KCNK13: variants seen among roughly 807,000 people sequenced by gnomAD.
KCNK13 encodes the protein potassium channel subfamily K member 13.
Under a neutral mutation model 23.4 loss-of-function variants are expected in KCNK13, and 12 were observed. That is an observed-to-expected ratio of 0.51 (90% CI 0.33 to 0.83). The LOEUF is 0.83. KCNK13 is among the 40% of genes least tolerant of loss of function. The pLI, the probability that KCNK13 is intolerant of heterozygous loss-of-function variation, is 0.02. For synonymous variants in KCNK13, 231 were observed against 229.5 expected (o/e 1.01, Z -0.06); for missense variants, 463 against 556.3 (o/e 0.83, Z 1.69).
chr14:90,066,721 G>A (rs2140386361), intron 1 of KCNK13, among the ~76,000 whole-genome samples: 1 of 152,320 alleles, frequency 6.6e-6, no homozygotes, highest in Non-Finnish European at 1.5e-5. Flanking sequence ...TGACTTAAAA[G>A]TCAGAGCTTA....
chr14:90,126,442 TGTGACGTGAC>T (rs1292461928), intron 1 of KCNK13, among the ~76,000 whole-genome samples: 25 of 90,144 alleles, frequency 2.8e-4, no homozygotes, highest in African/African-American at 6.6e-4. Context: ...TGTGACGTGA[TGTGACGTGAC>T]GTGACGTGAC....
At chr14:90,097,803 T>C (rs1889429447) in intron 1 of KCNK13, among the ~76,000 whole-genome samples, 1 of 152,134 alleles carries the variant, frequency 6.6e-6, no homozygotes, top group Admixed American at 6.5e-5. Context: ...ACAATGGCAA[T>C]GAACCATTCC....
chr14:90,134,437 A>T (rs1324926686), intron 1 of KCNK13, among the ~76,000 whole-genome samples: 1 of 152,192 alleles, frequency 6.6e-6, no homozygotes, highest in Non-Finnish European at 1.5e-5. Context: ...GCCTTAGAAG[A>T]TTAGTCAGAA....
At chr14:90,086,049 C>T (rs775607353) in intron 1 of KCNK13, among the ~76,000 whole-genome samples, 11 of 151,134 alleles carry the variant, frequency 7.3e-5, no homozygotes, top group Non-Finnish European at 1.5e-4. Flanking sequence ...TATGGATATT[C>T]ATTAATTTAA....
intron 1 of KCNK13, among the ~76,000 whole-genome samples, chr14:90,141,804 G>T (rs958534324): frequency 1.4e-5 from 2 of 143,282 alleles, no homozygotes; most frequent in South Asian, 2.3e-4. Context: ...TGGGGGGGGG[G>T]ACGGAGCCTT....
chr14:90,138,061 A>G (rs1219597288), intron 1 of KCNK13, among the ~76,000 whole-genome samples: 2 of 152,212 alleles, frequency 1.3e-5, no homozygotes, highest in Non-Finnish European at 2.9e-5. Context: ...TACCCATAAC[A>G]GAGAAAAAAA....
At chr14:90,181,832 C>T (rs538013114) in intron 1 of KCNK13, among the ~76,000 whole-genome samples, 8 of 152,288 alleles carry the variant, frequency 5.3e-5, no homozygotes, top group Admixed American at 1.3e-4. Flanking sequence ...TGACTTCATC[C>T]GGCTTCTAGA....
intron 1 of KCNK13, among the ~76,000 whole-genome samples, chr14:90,126,398 G>A (rs1421405504): frequency 6.6e-6 from 1 of 151,978 alleles, no homozygotes; most frequent in Non-Finnish European, 1.5e-5. Flanking sequence ...TAGCCTCATC[G>A]GTGATAACTT....
At chr14:90,089,993 T>C (rs1482694040) in intron 1 of KCNK13, among the ~76,000 whole-genome samples, 1 of 152,248 alleles carries the variant, frequency 6.6e-6, no homozygotes, top group Non-Finnish European at 1.5e-5. Flanking sequence ...GGCGGGGCTC[T>C]CATGGAGAAC....
intron 1 of KCNK13, among the ~76,000 whole-genome samples, chr14:90,100,321 C>T (rs1243383759): frequency 6.6e-6 from 1 of 152,194 alleles, no homozygotes. Flanking sequence ...CTATTTATCA[C>T]TGGCCAAGTC....
intron 1 of KCNK13, among the ~76,000 whole-genome samples, chr14:90,138,213 A>AAT (rs1293232282): frequency 2.6e-5 from 4 of 152,164 alleles, no homozygotes; most frequent in Non-Finnish European, 4.4e-5. Context: ...TCATTGTAAA[A>AAT]ATATATATAT....
rs574183758 is a variant in KCNK13, at chr14:90,170,262, A to G, written c.335-13849A>G. On this transcript the variant is annotated intron_variant, in intron 1 of 1. Transcript: ENST00000282146. ...AGAGTCTCACTCTGTTGCCCAGGCC[A>G]GAGTGCGGTGGTGCAATCCCAGCTC... Among the ~76,000 whole-genome samples, 961 of 152,210 alleles carry G rather than the reference A, an allele frequency of 6.3e-3. 7 individuals carry two copies. Among genetic ancestry groups the G allele is most frequent in the African/African-American group, 0.022 (927 of 41,548 alleles).
intron 1 of KCNK13, among the ~76,000 whole-genome samples, chr14:90,100,520 G>A (rs1889462603): frequency 6.6e-6 from 1 of 152,166 alleles, no homozygotes; most frequent in Admixed American, 6.5e-5. Flanking sequence ...AAGGATGTTA[G>A]GGAGGCCGCA....
At position 90,184,218 on chromosome 14, in the gene KCNK13, C is replaced by T. The variant is rs1199088733; in HGVS notation, c.442C>T (p.Arg148Cys). 10 of 1,614,240 alleles carry T rather than the reference C, an allele frequency of 6.2e-6. No individual in the cohort carries two copies. Among genetic ancestry groups the T allele is most frequent in the South Asian group, 2.2e-5 (2 of 91,078 alleles). Residue 148 changes from arginine (R) to cysteine (C), a missense_variant, in exon 2 of 2, where the codon CGC becomes TGC. Arg to Cys is a radical substitution (Grantham distance 180). Around this residue, in one of 3 missense-constraint regions of KCNK13, gnomAD observed 144 missense variants for 224.0 expected, o/e 0.64. Coordinates refer to ENST00000282146, the MANE Select transcript of KCNK13 (RefSeq NM_022054.4). The surrounding 1 kb of genome is among the most constrained non-coding windows in gnomAD (Gnocchi z 5.6). Reference sequence around the variant, plus strand: ...CTTGTTCTTCAACCTCTTCCTGGAGCGCCTGATCACCATCATCGCCTACAT... The same window carrying T: ...CTTGTTCTTCAACCTCTTCCTGGAGTGCCTGATCACCATCATCGCCTACAT... ...TILFFNLFLE[R>C]LITIIAYIMK...
At chr14:90,068,379 G>C (rs1165496268) in intron 1 of KCNK13, among the ~76,000 whole-genome samples, 2 of 152,114 alleles carry the variant, frequency 1.3e-5, no homozygotes, top group Non-Finnish European at 2.9e-5. Context: ...TGGATTGCTT[G>C]AGGCCAGGAG....
At chr14:90,064,273 G>A (rs1410092401) in intron 1 of KCNK13, among the ~76,000 whole-genome samples, 1 of 152,088 alleles carries the variant, frequency 6.6e-6, no homozygotes, top group African/African-American at 2.4e-5. Flanking sequence ...AACTTAGGGT[G>A]GTTTTGATGG....
chr14:90,083,800 C>T (rs1889240711), intron 1 of KCNK13, among the ~76,000 whole-genome samples: 1 of 152,202 alleles, frequency 6.6e-6, no homozygotes, highest in African/African-American at 2.4e-5. Context: ...TGTTATAACA[C>T]CACAGAATGG....
chr14:90,064,026 G>T (rs1201502852), intron 1 of KCNK13, among the ~76,000 whole-genome samples: 2 of 152,270 alleles, frequency 1.3e-5, no homozygotes, highest in East Asian at 3.9e-4. Flanking sequence ...CAAGATTGGT[G>T]AAGGAGGAAT....
In KCNK13 at chr14:90,062,392, G is replaced by A; in HGVS notation, c.187G>A (p.Gly63Ser). 5.8e-6 allele frequency: 9 copies of A among 1,548,792 alleles called. No homozygotes were observed. The highest frequency in any genetic ancestry group is 1.2e-5 in the South Asian group (1 of 83,890). The change falls in exon 1 of 2, where the codon GGC (glycine) becomes AGC (serine). Residue 63 changes from glycine to serine, a missense_variant. By Grantham distance (56) the Gly-to-Ser change is moderately conservative (BLOSUM62 0). Around this residue, in one of 3 missense-constraint regions of KCNK13, gnomAD observed 153 missense variants for 153.6 expected, o/e 1.00. Transcript: ENST00000282146. The surrounding 1 kb of genome is among the most constrained non-coding windows in gnomAD (Gnocchi z 4.5). ...WEERLANFSRGHNLSRDELRG... is the reference protein window; with the variant it reads ...WEERLANFSRSHNLSRDELRG... The stretch of plus-strand genomic sequence containing the variant: ...GGAGCGCCTGGCCAACTTCAGCCGC[G>A]GCCACAACCTGAGCCGCGACGAGCT...
Sources: allele counts gnomAD v4.1 joint callset (sites outside exome capture counted in the v4.1 genomes callset), GRCh38; gene constraint gnomAD v4.1.1; regional missense constraint gnomAD v4.1.1; non-coding constraint Gnocchi (gnomAD v3.1); transcripts MANE v1.5; gene names NCBI Gene and HGNC (gene_info 2026-07-23, HGNC 2026-07-21).